Variants in LMX1A observed in about 807,000 individuals in gnomAD.
The protein encoded by LMX1A is LIM homeobox transcription factor 1 alpha, also known as LIM homeobox transcription factor 1-alpha.
A neutral mutation model predicts 49.1 loss-of-function variants in LMX1A; 15 were observed. That is an observed-to-expected ratio of 0.31 (90% CI 0.20 to 0.47). The LOEUF is 0.47. LMX1A is among the 20% of genes least tolerant of loss of function. The probability of loss-of-function intolerance (pLI) is 1.00; values close to 1 mark genes in which losing one functional copy is unlikely to be tolerated. For synonymous variants in LMX1A, 167 were observed against 185.7 expected (o/e 0.90, Z 0.82); for missense variants, 372 against 475.8 (o/e 0.78, Z 2.03).
intron 3 of LMX1A, among the ~76,000 whole-genome samples, chr1:165,308,877 T>C (rs1037378791): frequency 2.0e-5 from 3 of 152,218 alleles, no homozygotes; most frequent in African/African-American, 7.2e-5. Flanking sequence ...TCTGCTCATC[T>C]TGAAAGCACC....
intron 3 of LMX1A, among the ~76,000 whole-genome samples, chr1:165,293,593 A>G (rs1654538776): frequency 6.6e-6 from 1 of 152,260 alleles, no homozygotes; most frequent in African/African-American, 2.4e-5. Context: ...GTTGTGTGTT[A>G]TAGTCCATTC....
At chr1:165,332,049 A>G (rs1259680993) in intron 3 of LMX1A, among the ~76,000 whole-genome samples, 1 of 152,264 alleles carries the variant, frequency 6.6e-6, no homozygotes, top group East Asian at 1.9e-4. Context: ...ATTATGTGCA[A>G]TATTAACTCT....
chr1:165,346,829 G>A (rs752656093), intron 3 of LMX1A, among the ~76,000 whole-genome samples: 3 of 152,046 alleles, frequency 2.0e-5, no homozygotes, highest in Non-Finnish European at 2.9e-5. Flanking sequence ...CTTTTTAGCC[G>A]ATATAGCTCT....
intron 4 of LMX1A, among the ~76,000 whole-genome samples, chr1:165,229,104 T>C (rs1652151832): frequency 6.6e-6 from 1 of 152,010 alleles, no homozygotes; most frequent in African/African-American, 2.4e-5. Flanking sequence ...AAATATGTCA[T>C]TATTTTATGG....
chr1:165,209,274 TA>T (rs1208568827), intron 6 of LMX1A, among the ~76,000 whole-genome samples: 1 of 152,216 alleles, frequency 6.6e-6, no homozygotes, highest in African/African-American at 2.4e-5. Flanking sequence ...TAACCTGTGA[TA>T]CTGTAAAGCA....
At chr1:165,265,031 G>A (rs1361879600) in intron 3 of LMX1A, among the ~76,000 whole-genome samples, 1 of 151,926 alleles carries the variant, frequency 6.6e-6, no homozygotes, top group Non-Finnish European at 1.5e-5. Flanking sequence ...GTGAAACCCT[G>A]TCTCTACTAA....
intron 3 of LMX1A, among the ~76,000 whole-genome samples, chr1:165,351,575 G>A (rs748553650): frequency 1.3e-5 from 2 of 152,156 alleles, no homozygotes; most frequent in African/African-American, 2.4e-5. Flanking sequence ...GTATTGTCCA[G>A]CTCATCCAAA....
intron 4 of LMX1A, among the ~76,000 whole-genome samples, chr1:165,246,514 T>C (rs2102634377): frequency 6.6e-6 from 1 of 152,328 alleles, no homozygotes; most frequent in South Asian, 2.1e-4. Flanking sequence ...ATCTCTTGAG[T>C]AGTTTTACTC....
intron 3 of LMX1A, among the ~76,000 whole-genome samples, chr1:165,323,362 A>T (rs10733043): frequency 0.85 from 128,649 of 152,126 alleles, 55,572 homozygotes; most frequent in East Asian, 0.94. Flanking sequence ...GAATTTTCAT[A>T]TCACAAAAGT....
intron 3 of LMX1A, among the ~76,000 whole-genome samples, chr1:165,298,642 A>G (rs1332927919): frequency 6.6e-6 from 1 of 152,238 alleles, no homozygotes; most frequent in East Asian, 1.9e-4. Context: ...GTTCCAAAAG[A>G]AACCGAGGTG....
chr1:165,335,507 AG>A (rs1215925546), intron 3 of LMX1A, among the ~76,000 whole-genome samples: 1 of 152,098 alleles, frequency 6.6e-6, no homozygotes, highest in Non-Finnish European at 1.5e-5. Context: ...TCTTAAATAC[AG>A]TATGATTTAA....
chr1:165,225,516 T>G (rs879349459), intron 4 of LMX1A, among the ~76,000 whole-genome samples: 7 of 152,254 alleles, frequency 4.6e-5, no homozygotes, highest in Non-Finnish European at 1.0e-4. Context: ...TTTCTAACAT[T>G]AAAAACTCTT....
At chr1:165,208,268 G>T in intron 6 of LMX1A, 136 bp from the exon 7 acceptor site, 1 of 696,654 alleles carries the variant, frequency 1.4e-6, no homozygotes, top group Non-Finnish European at 2.5e-6. Flanking sequence ...TAGTAAAGGA[G>T]CAACAGTGGC....
At chr1:165,339,915 C>T (rs17414281) in intron 3 of LMX1A, among the ~76,000 whole-genome samples, 23,050 of 152,178 alleles carry the variant, frequency 0.15, 2,329 homozygotes, top group Non-Finnish European at 0.22. Flanking sequence ...CTCAAAACTA[C>T]CTCATCCCAA....
intron 3 of LMX1A, among the ~76,000 whole-genome samples, chr1:165,283,506 TC>T (rs1453338666): frequency 1.3e-5 from 2 of 152,178 alleles, no homozygotes; most frequent in Non-Finnish European, 2.9e-5. Context: ...CTCTTTCTCT[TC>T]TTTGTCCTCA....
At chr1:165,305,338 G>A (rs1654892141) in intron 3 of LMX1A, among the ~76,000 whole-genome samples, 1 of 152,128 alleles carries the variant, frequency 6.6e-6, no homozygotes, top group Admixed American at 6.5e-5. Context: ...TGAGCAAAGG[G>A]GAGAGGAAAG....
In LMX1A at chr1:165,256,897, G is replaced by A. The variant is rs545995834; in HGVS notation, c.264-7257C>T. On this transcript the variant is annotated intron_variant, in intron 3 of 8. Transcript: ENST00000342310. ...CACACCCCTGTACTGCAGGCATTAC[G>A]GTAGCAAGATGACAACACACCGAGA... Among the ~76,000 whole-genome samples, 486 of 151,790 alleles carry A rather than the reference G, an allele frequency of 3.2e-3. 4 individuals are homozygous for A. The highest frequency in any genetic ancestry group is 0.011 in the African/African-American group (452 of 41,362).
intron 3 of LMX1A, among the ~76,000 whole-genome samples, chr1:165,315,525 G>A (rs1231632216): frequency 6.6e-6 from 1 of 152,218 alleles, no homozygotes; most frequent in Non-Finnish European, 1.5e-5. Context: ...TAAATTACTT[G>A]TAGCTAAGGA....
At chr1:165,297,816 C>T (rs1226377208) in intron 3 of LMX1A, among the ~76,000 whole-genome samples, 1 of 152,184 alleles carries the variant, frequency 6.6e-6, no homozygotes, top group East Asian at 1.9e-4. Context: ...CGTAACTGAG[C>T]CCCATCATCG....
Sources: gnomAD v4.1 joint callset for allele counts (sites outside exome capture counted in the v4.1 genomes callset) on GRCh38, gnomAD v4.1.1 for gene constraint, MANE v1.5 for transcripts, NCBI Gene and HGNC (gene_info 2026-07-23, HGNC 2026-07-21) for gene names.